Variants in LPA observed in about 807,000 individuals in gnomAD.
The protein encoded by LPA is lipoprotein(a), also known as apolipoprotein(a).
LPA carries 199 observed loss-of-function variants against 197.9 expected under a neutral mutation model. The ratio of observed to expected loss-of-function variants is 1.01; its 90% CI spans 0.90 to 1.13. LPA has a LOEUF of 1.13. LPA is among the 50% of genes most tolerant of loss of function. The pLI is 0.00. For missense variants in LPA, 1,853 were observed against 1,785.8 expected (o/e 1.04, Z -0.68); for synonymous variants, 715 against 639.5 (o/e 1.12, Z -1.78).
At chr6:160,584,185 CTTCTT>C (rs1778852769) in intron 26 of LPA, among the ~76,000 whole-genome samples, 1 of 68,218 alleles carries the variant, frequency 1.5e-5, no homozygotes, top group Non-Finnish European at 2.6e-5. Flanking sequence ...TCTTCTTCTT[CTTCTT>C]CTTCTTCTTC....
intron 24 of LPA, among the ~76,000 whole-genome samples, chr6:160,587,340 A>G (rs1778929548): frequency 6.6e-6 from 1 of 152,074 alleles, no homozygotes; most frequent in African/African-American, 2.4e-5. Flanking sequence ...TTTTCCACTG[A>G]ATGTCATTGG....
At chr6:160,609,969 CTTTAA>C (rs912693037) in intron 16 of LPA, among the ~76,000 whole-genome samples, 4 of 151,994 alleles carry the variant, frequency 2.6e-5, no homozygotes, top group Admixed American at 6.6e-5. Context: ...TATAATAGTT[CTTTAA>C]TTTGATTTGG....
chr6:160,599,277 A>G (rs894251299), intron 20 of LPA, among the ~76,000 whole-genome samples: 3 of 152,156 alleles, frequency 2.0e-5, no homozygotes, highest in African/African-American at 7.2e-5. Flanking sequence ...CGGGAGGCGG[A>G]GCTTGCAGTG....
intron 28 of LPA, among the ~76,000 whole-genome samples, chr6:160,567,088 G>A (rs1457718177): frequency 1.3e-5 from 2 of 152,136 alleles, no homozygotes; most frequent in African/African-American, 4.8e-5. Context: ...AGATCAATGA[G>A]ACAGAAAGTT....
chr6:160,555,909 A>G, intron 30 of LPA, 116 bp downstream of exon 30: 1 of 1,066,452 alleles, frequency 9.4e-7, no homozygotes, highest in Admixed American at 1.7e-5. Flanking sequence ...GGACATTTTG[A>G]CACACCTTCT....
Position 160,600,904 on chromosome 6 carries a change from C to T in LPA, c.3127+13G>A, listed in dbSNP as rs1442809197. 2 of 1,612,030 alleles carry T rather than the reference C, an allele frequency of 1.2e-6. No individual in the cohort carries two copies. The highest frequency in any genetic ancestry group is 1.7e-6 in the Non-Finnish European group (2 of 1,179,870). ...AGCATCCAAGCAGGTAAATGTCTGG[C>T]ACAACTTCTTACCTTGTTCAAAAAA... On this transcript the variant is annotated intron_variant, in intron 19 of 38. Transcript: ENST00000316300.
chr6:160,592,006 C>G (rs185661834), intron 22 of LPA, among the ~76,000 whole-genome samples: 270 of 152,244 alleles, frequency 1.8e-3, no homozygotes, highest in South Asian at 2.1e-3. Flanking sequence ...GAGTTTTGCT[C>G]TTTAAAAATC....
In LPA at chr6:160,600,964, G is replaced by A; in HGVS notation, c.3080C>T (p.Pro1027Leu). ...GCTTGGAGCCAGAATAACATTCGGA[G>A]GGACGAAGGCAGTCCATTCTGCATC... ...CSDAEWTAFV[P>L]PNVILAPSLE... is the part of the protein sequence containing the mutation. The change falls in exon 19 of 39, where the codon CCT becomes CTT. Residue 1027 changes from proline (P) to leucine (L), a missense_variant. By Grantham distance (98) the Pro-to-Leu change is moderately conservative. Transcript: ENST00000316300. 6.2e-7 allele frequency: 1 copy of A among 1,613,694 alleles called. No individual in the cohort carries two copies. The highest frequency in any genetic ancestry group is 8.5e-7 in the Non-Finnish European group (1 of 1,179,984).
At chr6:160,533,373 G>A (rs981548897) in intron 37 of LPA, among the ~76,000 whole-genome samples, 1 of 152,104 alleles carries the variant, frequency 6.6e-6, no homozygotes, top group Admixed American at 6.5e-5. Context: ...TCCTCACAAC[G>A]GTCCTATGAA....
Position 160,585,062 on chromosome 6 carries a change from A to G in LPA, c.4273T>C (p.Leu1425=), listed in dbSNP as rs1208972960. The G allele has an allele frequency of 6.2e-7, 1 of 1,613,746 alleles. No individual in the cohort carries two copies. Residue 1425 remains leucine, a synonymous_variant, in exon 26 of 39, where the codon TTA becomes CTA. Transcript: ENST00000316300. ...MTPHWHRRIP[L]YYPNAGLTRN... ...TAGACATACGCATTTGGATAGTATA[A>G]TGGGATCCTCCGATGCCAATGTGGT...
intron 30 of LPA, among the ~76,000 whole-genome samples, chr6:160,549,785 T>C (rs1225045783): frequency 6.6e-6 from 1 of 152,142 alleles, no homozygotes; most frequent in Non-Finnish European, 1.5e-5. Context: ...CATCCTCTAC[T>C]GGCCACAGCC....
intron 28 of LPA, among the ~76,000 whole-genome samples, chr6:160,573,243 A>G (rs1471847748): frequency 1.3e-5 from 2 of 151,980 alleles, no homozygotes; most frequent in East Asian, 3.9e-4. Flanking sequence ...TTTCCAGAGC[A>G]TGTCACATTT....
At chr6:160,647,829 T>C (rs1779928124) in intron 2 of LPA, among the ~76,000 whole-genome samples, 1 of 152,232 alleles carries the variant, frequency 6.6e-6, no homozygotes, top group South Asian at 2.1e-4. Context: ...TTGCTTCAAC[T>C]CGTCAACTCT....
At chr6:160,603,880 T>G (rs964974075) in intron 18 of LPA, among the ~76,000 whole-genome samples, 3 of 152,200 alleles carry the variant, frequency 2.0e-5, no homozygotes, top group African/African-American at 7.2e-5. Flanking sequence ...AAAGTATGAC[T>G]TTTCTGGAGT....
intron 18 of LPA, among the ~76,000 whole-genome samples, chr6:160,604,112 G>A (rs566338337): frequency 3.9e-5 from 6 of 152,234 alleles, no homozygotes; most frequent in South Asian, 2.1e-4. Flanking sequence ...ACTACTATGC[G>A]TGCCCCTGGA....
At chr6:160,583,493 A>G (rs1778838719) in intron 26 of LPA, among the ~76,000 whole-genome samples, 1 of 152,066 alleles carries the variant, frequency 6.6e-6, no homozygotes, top group Admixed American at 6.6e-5. Context: ...TGTTCAATGA[A>G]GTGTCTCTCC....
At chr6:160,611,476 TC>T in intron 16 of LPA, 85 bp downstream of exon 16, 1 of 1,570,616 alleles carries the variant, frequency 6.4e-7, no homozygotes. Flanking sequence ...CAAGTTGAGT[TC>T]GGAGAACTCA....
chr6:160,601,058 C>A lies in LPA; in HGVS notation c.2986G>T (p.Ala996Ser), dbSNP rs1779232028. ...TCTGTTGTATAACACCAAGGGGCTG[C>A]CACAGGATCTGGATTTCGGCAGTAG... Reference protein sequence around the residue: ...KNYCRNPDPVAAPWCYTTDPS... With the variant: ...KNYCRNPDPVSAPWCYTTDPS... Residue 996 changes from alanine (A) to serine (S), a missense_variant, in exon 19 of 39, where the codon GCA (alanine) becomes TCA (serine). By Grantham distance (99) the Ala-to-Ser change is moderately conservative. Coordinates refer to ENST00000316300, the MANE Select transcript of LPA (RefSeq NM_005577.4). The A allele has an allele frequency of 1.2e-6, 2 of 1,613,918 alleles. No individual in the cohort carries two copies. The highest frequency in any genetic ancestry group is 1.3e-5 in the African/African-American group (1 of 74,900).
intron 28 of LPA, among the ~76,000 whole-genome samples, chr6:160,575,107 C>T (rs145274579): frequency 2.6e-5 from 4 of 152,182 alleles, no homozygotes; most frequent in Non-Finnish European, 5.9e-5. Flanking sequence ...ACAATTTAAC[C>T]AAGAAGATTT....
Sources: gnomAD v4.1 joint callset for allele counts (sites outside exome capture counted in the v4.1 genomes callset) on GRCh38, gnomAD v4.1.1 for gene constraint, MANE v1.5 for transcripts, NCBI Gene and HGNC (gene_info 2026-07-23, HGNC 2026-07-21) for gene names.